Variants in RBPJ observed in about 807,000 individuals in gnomAD.
RBPJ encodes the protein recombining binding protein suppressor of hairless.
RBPJ carries 9 observed loss-of-function variants against 67.8 expected under a neutral mutation model. The ratio of observed to expected loss-of-function variants is 0.13; its 90% confidence interval spans 0.08 to 0.23. RBPJ has a LOEUF of 0.23. Ranked by LOEUF, RBPJ falls within the 10% of genes least tolerant of loss-of-function variation. The pLI, the probability that RBPJ is intolerant of heterozygous loss-of-function variation, is 1.00. For synonymous variants in RBPJ, 198 were observed against 203.3 expected, an observed-to-expected ratio of 0.97 and a Z score of 0.22; for missense variants, 305 against 595.6, an observed-to-expected ratio of 0.51 and a Z score of 5.08.
At chr4:26,370,354 G>A (rs1329464703) in intron 1 of RBPJ, among the ~76,000 whole-genome samples, 2 of 152,014 alleles carry the variant, frequency 1.3e-5, no homozygotes, top group East Asian at 3.9e-4. Context: ...AAAAGCACAG[G>A]TAATCAATTT....
chr4:26,320,849 C>T (rs749706485), upstream of RBPJ: 3 of 1,568,606 alleles, frequency 1.9e-6, no homozygotes, highest in South Asian at 1.2e-5. Context: ...AGCAGGATCC[C>T]CTACTCTGCG....
chr4:26,336,961 GT>G (rs1724897419), intron 1 of RBPJ, among the ~76,000 whole-genome samples: 1 of 151,932 alleles, frequency 6.6e-6, no homozygotes, highest in Admixed American at 6.6e-5. Flanking sequence ...GATGGTCTTT[GT>G]TTAGCGTTTT....
chr4:26,240,875 G>A (rs1719612301), intron 1 of RBPJ, among the ~76,000 whole-genome samples: 1 of 152,112 alleles, frequency 6.6e-6, no homozygotes, highest in Non-Finnish European at 1.5e-5. Context: ...GATTCCTGGG[G>A]TCATTCCTTA....
At chr4:26,336,748 C>A (rs1157367516) in intron 1 of RBPJ, among the ~76,000 whole-genome samples, 2 of 151,336 alleles carry the variant, frequency 1.3e-5, no homozygotes, top group Non-Finnish European at 2.9e-5. Context: ...CTCTTTAAAA[C>A]ACTGTATATG....
rs1392275309 is a variant in RBPJ, at chr4:26,244,240, TATATGTGTACACATACAC to T, written c.-167+80642_-167+80659del. ...ATATGTGTACACATATATGTGTCTATATATGTGTACACATACACATATGTGTACACATATATGTGTGTA... is the reference window on the plus strand; with the variant it reads ...ATATGTGTACACATATATGTGTCTATATATGTGTACACATATATGTGTGTA... On this transcript the variant is annotated intron_variant, in intron 1 of 4. Transcript: ENST00000512351. Among the ~76,000 whole-genome samples, 8 of 105,466 alleles carry T rather than the reference TATATGTGTACACATACAC, an allele frequency of 7.6e-5. 1 individual carries two copies. The highest frequency in any genetic ancestry group is 1.4e-4 in the Non-Finnish European group (7 of 49,314). The allele number at this position is 105,466 out of a possible 152,430, so 69.2% of individuals were successfully genotyped here.
chr4:26,366,663 G>T (rs994669089), intron 1 of RBPJ, among the ~76,000 whole-genome samples: 6 of 151,958 alleles, frequency 3.9e-5, no homozygotes, highest in Admixed American at 3.9e-4. Flanking sequence ...ATCGTGATCT[G>T]CCTGCCTCGG....
At chr4:26,212,203 C>T (rs893313203) in intron 1 of RBPJ, among the ~76,000 whole-genome samples, 5 of 151,970 alleles carry the variant, frequency 3.3e-5, no homozygotes, top group Non-Finnish European at 4.4e-5. Flanking sequence ...CCCATATGAC[C>T]GATGGAAAAA....
At chr4:26,370,424 A>G (rs1159555008) in intron 1 of RBPJ, among the ~76,000 whole-genome samples, 1 of 152,174 alleles carries the variant, frequency 6.6e-6, no homozygotes, top group Non-Finnish European at 1.5e-5. Context: ...GTGGTATATT[A>G]TTGTTACTAT....
rs1736292810 is a variant in RBPJ, at chr4:26,432,125, T to C, written c.*1118T>C. The C allele has an allele frequency of 6.6e-6, 1 of 152,244 alleles. No individual in the cohort carries two copies. The highest frequency in any genetic ancestry group is 1.5e-5 in the Non-Finnish European group (1 of 68,040). 9.4% of individuals were successfully genotyped at this position (152,244 alleles called of 1,614,324 possible). ...ATTCAGCAGGGTATTTTCTGCCTTG[T>C]TGGCAAGTGACAAAAAATATGGGAA... On this transcript the variant is annotated 3_prime_UTR_variant, in exon 11 of 11. Coordinates refer to ENST00000355476, the MANE Select transcript of RBPJ (RefSeq NM_015874.6).
At chr4:26,130,108 T>C in the RBPJ span, among the ~76,000 whole-genome samples, 53 of 152,248 alleles carry the variant, frequency 3.5e-4, no homozygotes, top group Admixed American at 1.9e-3. Flanking sequence ...GTGATCCTCC[T>C]GCCTCGGCCT....
At chr4:26,300,657 T>C (rs892686650) in intron 1 of RBPJ, among the ~76,000 whole-genome samples, 4 of 152,216 alleles carry the variant, frequency 2.6e-5, no homozygotes, top group African/African-American at 9.6e-5. Flanking sequence ...TTATTTAAAA[T>C]GTCTGACTTG....
chr4:26,129,686 T>G, the RBPJ span, among the ~76,000 whole-genome samples: 2 of 152,182 alleles, frequency 1.3e-5, no homozygotes, highest in East Asian at 3.8e-4. Context: ...TAGTTTACAG[T>G]TGAAGACTTT....
chr4:26,415,763 AT>A, intron 4 of RBPJ, 123 bp downstream of exon 4: 1 of 944,168 alleles, frequency 1.1e-6, no homozygotes. Flanking sequence ...TCTTGAATAT[AT>A]AAACTAGGAC....
rs780094330 is a variant in RBPJ at position 26,415,469 on chromosome 4, C to A, written c.156-6C>A. ...TTGTTTTTTTTTTTCCCCTATTATT[C>A]TTCAGGTTTTTTTGCCCACCTCCTT... is the stretch of plus-strand genomic sequence containing the variant. On this transcript the variant is annotated splice_polypyrimidine_tract_variant and splice_region_variant and intron_variant, in intron 3 of 10. Coordinates refer to ENST00000355476, the MANE Select transcript of RBPJ (RefSeq NM_015874.6). The A allele has an allele frequency of 1.7e-5, 26 of 1,543,400 alleles. No individual in the cohort carries two copies. Among genetic ancestry groups the A allele is most frequent in the African/African-American group, 2.9e-5 (2 of 69,848 alleles).
At chr4:26,325,731 C>G (rs529266092) in intron 1 of RBPJ, among the ~76,000 whole-genome samples, 30 of 152,276 alleles carry the variant, frequency 2.0e-4, no homozygotes, top group African/African-American at 7.2e-4. Context: ...CATTTTCTCT[C>G]CATAATCAGT....
intron 1 of RBPJ, among the ~76,000 whole-genome samples, chr4:26,325,383 T>G (rs1411742171): frequency 1.3e-5 from 2 of 152,148 alleles, no homozygotes; most frequent in Non-Finnish European, 2.9e-5. Flanking sequence ...AACCTTTCAA[T>G]GGCTCCCCCT....
the RBPJ span, among the ~76,000 whole-genome samples, chr4:26,145,362 T>C: frequency 6.6e-6 from 1 of 152,174 alleles, no homozygotes; most frequent in Non-Finnish European, 1.5e-5. Context: ...GTGGGAGTGA[T>C]CTGAGCAGAG....
chr4:26,151,102 G>C, the RBPJ span, among the ~76,000 whole-genome samples: 2 of 152,266 alleles, frequency 1.3e-5, no homozygotes, highest in South Asian at 4.2e-4. Flanking sequence ...AGTGAAATAC[G>C]GAAATGATAC....
At chr4:26,147,001 AAGG>A in the RBPJ span, among the ~76,000 whole-genome samples, 21 of 152,174 alleles carry the variant, frequency 1.4e-4, no homozygotes, top group Non-Finnish European at 2.9e-4. Context: ...CAAAGTAGGA[AAGG>A]AGGAGGGAGT....
Sources: allele counts gnomAD v4.1 joint callset (sites outside exome capture counted in the v4.1 genomes callset), GRCh38; gene constraint gnomAD v4.1.1; transcripts MANE v1.5; gene names NCBI Gene and HGNC (gene_info 2026-07-23, HGNC 2026-07-21).